The following CACNA1I variants were observed in gnomAD, a reference collection of about 807,000 sequenced individuals.
CACNA1I encodes the protein voltage-dependent T-type calcium channel subunit alpha-1I.
CACNA1I carries 74 observed loss-of-function variants against 201.6 expected under a neutral mutation model. The observed-to-expected ratio is 0.37, with a 90% CI of 0.30 to 0.45. CACNA1I has a LOEUF of 0.45. CACNA1I is among the 20% of genes least tolerant of loss of function. The probability of loss-of-function intolerance (pLI) is 1.00; values close to 1 mark genes in which losing one functional copy is unlikely to be tolerated. For missense variants in CACNA1I, 2,346 were observed against 3,138.1 expected, an observed-to-expected ratio of 0.75 and a Z score of 6.03; for synonymous variants, 1,431 against 1,345.2, an observed-to-expected ratio of 1.06 and a Z score of -1.40.
rs374638346 is a variant in CACNA1I, at chr22:39,668,272, C to T, written c.4105-20C>T. On this transcript the variant is annotated intron_variant, in intron 23 of 36. Transcript: ENST00000402142. ...ACTCACAGTCCTCACCCCTGCATTC[C>T]GCCTCCCCATGTCTCCCAGGCTCTG... 1.5e-5 allele frequency: 23 copies of T among 1,546,952 alleles called. No homozygotes were observed. Among genetic ancestry groups the T allele is most frequent in the African/African-American group, 6.8e-5 (5 of 73,532 alleles).
rs149152331 is a variant in CACNA1I, at chr22:39,600,869, A to G, written c.482+216A>G. Among the ~76,000 whole-genome samples the G allele has an allele frequency of 4.8e-3, 729 of 152,124 alleles. 6 individuals carry two copies. Among genetic ancestry groups the G allele is most frequent in the African/African-American group, 0.017 (685 of 41,490 alleles). ...CAGCACTGCCAGCGGATACTGGGTG[A>G]GTTTATGCTAATTAATGATACGACC... On this transcript the variant is annotated intron_variant, in intron 3 of 36. Coordinates refer to ENST00000402142, the MANE Select transcript of CACNA1I (RefSeq NM_021096.4).
rs1470219971 is a variant in CACNA1I, at chr22:39,666,742, C to T, written c.4104+736C>T. On this transcript the variant is annotated intron_variant, in intron 23 of 36. Transcript: ENST00000402142. The surrounding 1 kb of genome is among the most constrained non-coding windows in gnomAD (Gnocchi z 4.1). ...CCCTCGTCCCCCACTGGCTGATGGG[C>T]AGCCTCCAGCTAGATCCCACTGGAG... Among the ~76,000 whole-genome samples, 1 of 152,228 alleles carries T rather than the reference C, an allele frequency of 6.6e-6. No homozygotes were observed. The highest frequency in any genetic ancestry group is 1.5e-5 in the Non-Finnish European group (1 of 68,024).
chr22:39,617,482 G>C (rs1933576161), intron 3 of CACNA1I, among the ~76,000 whole-genome samples: 1 of 152,038 alleles, frequency 6.6e-6, no homozygotes, highest in Non-Finnish European at 1.5e-5. Context: ...TGGGGGTGGG[G>C]CATGGTGGGG....
intron 29 of CACNA1I, among the ~76,000 whole-genome samples, chr22:39,674,936 C>T (rs937260029): frequency 1.1e-4 from 17 of 152,346 alleles, no homozygotes; most frequent in Admixed American, 3.3e-4. Flanking sequence ...GTGAGCTTCC[C>T]AGCAGCCTTG....
chr22:39,591,929 T>C (rs1195368982), intron 1 of CACNA1I, among the ~76,000 whole-genome samples: 3 of 152,218 alleles, frequency 2.0e-5, no homozygotes, highest in African/African-American at 7.2e-5. Flanking sequence ...GTGTTCGCGA[T>C]TGTCACCATT....
chr22:39,662,508 G>C (rs991132848), intron 17 of CACNA1I, 73 bp downstream of exon 17: 1 of 1,197,436 alleles, frequency 8.4e-7, no homozygotes, highest in Non-Finnish European at 1.1e-6. Context: ...CCCAGGAGGC[G>C]GGGCCCGAGC....
rs889064248 is a variant in CACNA1I, at chr22:39,662,303, C to T, written c.3240C>T (p.Ala1080=). The part of the protein sequence containing the change: ...LVPAVGAHPR[A]AWRAAGPAPG... ...CCGCGGTGGGCGCCCACCCCCGGGC[C>T]GCCTGGAGGGCGGCAGGCCCGGCCC... is the stretch of plus-strand genomic sequence containing the variant. Residue 1080 remains alanine (A), a synonymous_variant, in exon 17 of 37, where the codon GCC becomes GCT. Coordinates refer to ENST00000402142, the MANE Select transcript of CACNA1I (RefSeq NM_021096.4). 26 of 1,494,654 alleles carry T rather than the reference C, an allele frequency of 1.7e-5. No individual in the cohort carries two copies. The highest frequency in any genetic ancestry group is 2.3e-5 in the Admixed American group (1 of 43,148). 92.6% of individuals were successfully genotyped at this position (1,494,654 alleles called of 1,614,324 possible).
rs1481455125 is a variant in CACNA1I at position 39,685,880 on chromosome 22, C to T, written c.6147C>T (p.Pro2049=). 1.2e-5 allele frequency: 17 copies of T among 1,458,502 alleles called. No homozygotes were observed. The highest frequency in any genetic ancestry group is 4.4e-5 in the African/African-American group (3 of 67,508). The allele number at this position is 1,458,502 out of a possible 1,614,324, so 90.3% of individuals were successfully genotyped here. A position where few individuals can be genotyped will look rare whatever the true frequency, so the allele number is the denominator to read the frequency against. ...GCCCCCGGCGTGCCCTGGGGCCGCC[C>T]GCGCCTGCTCCAGGACCCCGGGCCG... The part of the protein sequence containing the change: ...SDSPRRALGP[P]APAPGPRAGL... The change falls in exon 37 of 37, where the codon CCC becomes CCT. Residue 2049 remains proline, a synonymous_variant. Coordinates refer to ENST00000402142, the MANE Select transcript of CACNA1I (RefSeq NM_021096.4). This position sits in a 1 kb window ranked among gnomAD's most constrained non-coding sequence, Gnocchi z 5.0.
intron 1 of CACNA1I, 56 bp downstream of exon 1, chr22:39,571,044 C>G: frequency 7.0e-7 from 1 of 1,425,480 alleles, no homozygotes; most frequent in Admixed American, 1.7e-5. Flanking sequence ...GGGTGGGGGG[C>G]TGGATTGAGT....
chr22:39,683,821 C>T (rs1046184937), intron 35 of CACNA1I, among the ~76,000 whole-genome samples: 2 of 152,096 alleles, frequency 1.3e-5, no homozygotes, highest in Admixed American at 6.5e-5. Context: ...GCGCCTGACC[C>T]GGGGCTGGGA....
intron 1 of CACNA1I, among the ~76,000 whole-genome samples, chr22:39,584,300 C>T (rs1484085587): frequency 1.3e-5 from 2 of 152,114 alleles, no homozygotes; most frequent in African/African-American, 4.8e-5. Context: ...TGGAAAACTT[C>T]CAGGACTGGT....
chr22:39,670,457 GT>G (rs1189462000), intron 25 of CACNA1I, among the ~76,000 whole-genome samples: 3 of 152,356 alleles, frequency 2.0e-5, no homozygotes, highest in Admixed American at 2.0e-4. Flanking sequence ...GAGTGAGGCT[GT>G]TGGGGGTTCA....
chr22:39,634,968 T>C lies in CACNA1I; in HGVS notation c.740+244T>C, dbSNP rs536195645. Among the ~76,000 whole-genome samples, 13 of 152,178 alleles carry C rather than the reference T, an allele frequency of 8.5e-5. No homozygotes were observed. The South Asian group carries it at 2.3e-3, about 27-fold the overall frequency. ...CCGCCCACAGCACATTCATTCCCCT[T>C]GGTGGCTGAGTCATCCAGGAAGGGT... On this transcript the variant is annotated intron_variant, in intron 5 of 36. Coordinates refer to ENST00000402142, the MANE Select transcript of CACNA1I (RefSeq NM_021096.4).
chr22:39,664,826 A>C lies in CACNA1I; in HGVS notation c.3754A>C (p.Ile1252Leu). 1.2e-6 allele frequency: 2 copies of C among 1,612,614 alleles called. No individual in the cohort carries two copies. Among genetic ancestry groups the C allele is most frequent in the Non-Finnish European group, 1.7e-6 (2 of 1,179,702 alleles). ...VLDGFLVFVS[I>L]IDIVVSLASA... Reference sequence around the variant, plus strand: ...GGATGGCTTTCTTGTCTTCGTGTCCATCATCGACATCGTGGTGTCCCTGGC... The same window carrying C: ...GGATGGCTTTCTTGTCTTCGTGTCCCTCATCGACATCGTGGTGTCCCTGGC... The change falls in exon 21 of 37, where the codon ATC becomes CTC. Residue 1252 changes from isoleucine (I) to leucine (L), a missense_variant. Physicochemically the swap from Ile to Leu is conservative, Grantham distance 5. This residue lies in a region of CACNA1I where 158 missense variants were observed against 231.6 expected (regional missense o/e 0.68). Coordinates refer to ENST00000402142, the MANE Select transcript of CACNA1I (RefSeq NM_021096.4).
intron 3 of CACNA1I, among the ~76,000 whole-genome samples, chr22:39,603,934 T>TA (rs1052122286): frequency 3.9e-5 from 6 of 152,338 alleles, no homozygotes; most frequent in Admixed American, 3.9e-4. Flanking sequence ...ATCTACAAGT[T>TA]AAAATGTAAT....
At chr22:39,623,241 G>A (rs1601470232) in intron 4 of CACNA1I, among the ~76,000 whole-genome samples, 1 of 151,974 alleles carries the variant, frequency 6.6e-6, no homozygotes, top group Admixed American at 6.5e-5. Context: ...GAGGACGTGT[G>A]TGCACGAGTG....
At chr22:39,680,792 G>A (rs931214786) in intron 33 of CACNA1I, 138 bp from the exon 34 acceptor site, 17 of 889,544 alleles carry the variant, frequency 1.9e-5, no homozygotes, top group South Asian at 1.1e-4. Flanking sequence ...CACATCATCC[G>A]TGTCCAGCAG....
At chr22:39,610,619 C>T (rs944167253) in intron 3 of CACNA1I, among the ~76,000 whole-genome samples, 13 of 152,118 alleles carry the variant, frequency 8.5e-5, no homozygotes, top group African/African-American at 3.1e-4. Context: ...GGACAGAAAC[C>T]CTGAATCTGG....
Position 39,634,587 on chromosome 22 carries a change from G to C in CACNA1I, c.603G>C (p.Leu201=). The change falls in exon 5 of 37, where the codon CTG becomes CTC. Residue 201 remains leucine, a synonymous_variant. Transcript: ENST00000402142. ...CAGGTATGCGGATCCTGGTGAACCTGCTCCTGGACACACTGCCCATGCTGG... is the reference window on the plus strand; with the variant it reads ...CAGGTATGCGGATCCTGGTGAACCTCCTCCTGGACACACTGCCCATGCTGG... The part of the protein sequence containing the change: ...RVPSMRILVN[L]LLDTLPMLGN... 1 of 1,613,858 alleles carries C rather than the reference G, an allele frequency of 6.2e-7. No individual in the cohort carries two copies. Among genetic ancestry groups the C allele is most frequent in the Non-Finnish European group, 8.5e-7 (1 of 1,179,884 alleles).
Sources: allele counts gnomAD v4.1 joint callset (sites outside exome capture counted in the v4.1 genomes callset), GRCh38; gene constraint gnomAD v4.1.1; regional missense constraint gnomAD v4.1.1; non-coding constraint Gnocchi (gnomAD v3.1); transcripts MANE v1.5; gene names NCBI Gene and HGNC (gene_info 2026-07-23, HGNC 2026-07-21).